The following HEATR4 variants were observed in gnomAD, a reference collection of about 807,000 sequenced individuals.
HEATR4 encodes HEAT repeat containing 4.
Under a neutral mutation model 108.8 loss-of-function variants are expected in HEATR4, and 95 were observed. The ratio of observed to expected loss-of-function variants is 0.87; its 90% CI spans 0.74 to 1.04. The LOEUF is 1.04. Ranked by LOEUF, HEATR4 falls within the 50% of genes least tolerant of loss-of-function variation. The pLI is 0.00. For missense variants in HEATR4, 1,152 were observed against 1,253.8 expected (o/e 0.92, Z 1.23); for synonymous variants, 443 against 459.4 (o/e 0.96, Z 0.46).
chr14:73,561,353 G>A (rs535564220), upstream of HEATR4, among the ~76,000 whole-genome samples: 16 of 150,822 alleles, frequency 1.1e-4, no homozygotes, highest in South Asian at 4.2e-4. Flanking sequence ...GCGACAGAGC[G>A]AGAGTTTATC....
intron 2 of HEATR4, among the ~76,000 whole-genome samples, chr14:73,527,980 A>T (rs1888445614): frequency 6.6e-6 from 1 of 151,388 alleles, no homozygotes; most frequent in Non-Finnish European, 1.5e-5. Flanking sequence ...AAAAAAAAAA[A>T]AAAAAGGAGT....
At position 73,522,716 on chromosome 14, in the gene HEATR4, T is replaced by A; in HGVS notation, c.437A>T (p.Lys146Met). 1.9e-6 allele frequency: 3 copies of A among 1,614,186 alleles called. No homozygotes were observed. Among genetic ancestry groups the A allele is most frequent in the Non-Finnish European group, 2.5e-6 (3 of 1,180,022 alleles). ...GGCTGGCTTTGATTTCTTCAGCTTC[T>A]TTTCGGGATTGGCAGAGCTTTCTGT... is the stretch of plus-strand genomic sequence containing the variant. ...VKTESSANPE[K>M]KLKKSKPAST... Residue 146 changes from lysine (K) to methionine (M), a missense_variant, in exon 3 of 18, where the codon AAG becomes ATG. By Grantham distance (95) the Lys-to-Met change is moderately conservative. Coordinates refer to ENST00000553558, the MANE Select transcript of HEATR4 (RefSeq NM_001220484.1).
chr14:73,570,957 T>C, the HEATR4 span, among the ~76,000 whole-genome samples: 1 of 149,012 alleles, frequency 6.7e-6, no homozygotes, highest in Non-Finnish European at 1.5e-5. Flanking sequence ...TTCTTATTTA[T>C]GTATTGACTA....
rs371203475 is a variant in HEATR4 at position 73,480,397 on chromosome 14, G to A, written c.2845-1555C>T. Among the ~76,000 whole-genome samples, 234 of 152,200 alleles carry A rather than the reference G, an allele frequency of 1.5e-3. 1 individual carries two copies. Among genetic ancestry groups the A allele is most frequent in the African/African-American group, 5.0e-3 (208 of 41,530 alleles). On this transcript the variant is annotated intron_variant, in intron 17 of 17. Coordinates refer to ENST00000553558, the MANE Select transcript of HEATR4 (RefSeq NM_001220484.1). Reference sequence around the variant, plus strand: ...AGAGGTTGCAGTGAGCCAAGATTGCGCCACTGTACTCTAGCCTGGGCGACA... The same window carrying A: ...AGAGGTTGCAGTGAGCCAAGATTGCACCACTGTACTCTAGCCTGGGCGACA...
chr14:73,561,214 A>G (rs1200823446), upstream of HEATR4, among the ~76,000 whole-genome samples: 3 of 151,836 alleles, frequency 2.0e-5, no homozygotes, highest in Non-Finnish European at 4.4e-5. Context: ...AAAAATACAA[A>G]AATTAGCCAG....
At chr14:73,561,412 G>A (rs1889530109), upstream of HEATR4, among the ~76,000 whole-genome samples, 2 of 152,084 alleles carry the variant, frequency 1.3e-5, no homozygotes, top group Admixed American at 6.6e-5. Flanking sequence ...AATGGGCCAG[G>A]TGCAGTGGCT....
At chr14:73,514,346 A>G (rs1190743148) in intron 5 of HEATR4, 112 bp from the exon 6 acceptor site, 4 of 891,292 alleles carry the variant, frequency 4.5e-6, no homozygotes, top group Non-Finnish European at 6.9e-6. Context: ...AAGCAAAACA[A>G]AACCCTCAAG....
the HEATR4 span, among the ~76,000 whole-genome samples, chr14:73,604,267 C>A: frequency 2.1e-5 from 3 of 143,860 alleles, no homozygotes; most frequent in South Asian, 6.8e-4. Context: ...TCGGTTCAAG[C>A]AATTCTCCTG....
rs1418796093 is a variant in HEATR4 at position 73,492,214 on chromosome 14, T to C, written c.2844+852A>G. 1 of 1,614,000 alleles carries C rather than the reference T, an allele frequency of 6.2e-7. No individual in the cohort carries two copies. Among genetic ancestry groups the C allele is most frequent in the East Asian group, 2.2e-5 (1 of 44,884 alleles). On this transcript the variant is annotated intron_variant, in intron 17 of 17. Coordinates refer to ENST00000553558, the MANE Select transcript of HEATR4 (RefSeq NM_001220484.1). The surrounding 1 kb of genome is among the most constrained non-coding windows in gnomAD (Gnocchi z 4.9). Reference sequence around the variant, plus strand: ...TGGAACCTGGAGATTTGCTGTATTTTCCTCGGGGCTTCATTCACCAAGCTG... The same window carrying C: ...TGGAACCTGGAGATTTGCTGTATTTCCCTCGGGGCTTCATTCACCAAGCTG...
intron 1 of HEATR4, among the ~76,000 whole-genome samples, chr14:73,542,424 A>T (rs1889118755): frequency 1.1e-5 from 1 of 94,324 alleles, no homozygotes; most frequent in Non-Finnish European, 2.1e-5. Context: ...TTTTTTTTTA[A>T]GACGGAGTCT....
chr14:73,599,907 C>G, the HEATR4 span, among the ~76,000 whole-genome samples: 1 of 152,222 alleles, frequency 6.6e-6, no homozygotes, highest in Non-Finnish European at 1.5e-5. Context: ...TCTATACCCT[C>G]TCCCCCAAAA....
At chr14:73,628,736 A>C in the HEATR4 span, among the ~76,000 whole-genome samples, 2 of 150,124 alleles carry the variant, frequency 1.3e-5, no homozygotes, top group Non-Finnish European at 3.0e-5. Flanking sequence ...CTGGGCAACA[A>C]GAGTGAAACT....
chr14:73,510,371 G>T (rs949982734), intron 7 of HEATR4, among the ~76,000 whole-genome samples: 1 of 152,000 alleles, frequency 6.6e-6, no homozygotes, highest in African/African-American at 2.4e-5. Context: ...TATGGGACAG[G>T]AGCATAGTTT....
the HEATR4 span, chr14:73,595,712 C>T: frequency 4.0e-6 from 6 of 1,486,248 alleles, no homozygotes; most frequent in African/African-American, 7.0e-5. Context: ...GTTCAGTAAC[C>T]CTATGTGAAT....
intron 17 of HEATR4, among the ~76,000 whole-genome samples, chr14:73,490,774 GCTCT>G: frequency 6.6e-6 from 1 of 152,246 alleles, no homozygotes; most frequent in Admixed American, 6.5e-5. Flanking sequence ...TTTTTAAATT[GCTCT>G]CTGAGTGTAG....
the HEATR4 span, chr14:73,612,922 G>A: frequency 2.2e-6 from 3 of 1,352,970 alleles, no homozygotes; most frequent in South Asian, 4.1e-5. Context: ...CCGAGCCCGG[G>A]CGGCTGCTGT....
intron 2 of HEATR4, among the ~76,000 whole-genome samples, chr14:73,524,304 AAAAAAAATAT>A (rs1888173397): frequency 1.1e-5 from 1 of 93,778 alleles, no homozygotes; most frequent in Admixed American, 1.1e-4. Context: ...AAAAAAAAAA[AAAAAAAATAT>A]ATATATATAT....
the HEATR4 span, among the ~76,000 whole-genome samples, chr14:73,572,912 C>T: frequency 2.3e-4 from 35 of 151,010 alleles, 1 homozygote; most frequent in South Asian, 7.3e-3. Context: ...TCCCAAAGTG[C>T]TGGGGTTACA....
the HEATR4 span, among the ~76,000 whole-genome samples, chr14:73,621,944 G>A: frequency 1.3e-5 from 2 of 151,426 alleles, no homozygotes; most frequent in African/African-American, 4.9e-5. Flanking sequence ...TTTATTTTTT[G>A]TAGAGATGAG....
Sources: allele counts gnomAD v4.1 joint callset (sites outside exome capture counted in the v4.1 genomes callset), GRCh38; gene constraint gnomAD v4.1.1; non-coding constraint Gnocchi (gnomAD v3.1); transcripts MANE v1.5; gene names NCBI Gene and HGNC (gene_info 2026-07-23, HGNC 2026-07-21).